Variants in SCAPER observed in about 807,000 individuals in gnomAD.
SCAPER encodes S phase cyclin A-associated protein in the endoplasmic reticulum.
SCAPER carries 98 observed loss-of-function variants against 182.2 expected under a neutral mutation model. That is an observed-to-expected ratio of 0.54 (90% CI 0.46 to 0.64). SCAPER has a LOEUF of 0.64. Ranked by LOEUF, SCAPER falls within the 30% of genes least tolerant of loss-of-function variation. SCAPER has a pLI of 0.00. For missense variants in SCAPER, 1,432 were observed against 1,690.0 expected (o/e 0.85, Z 2.68); for synonymous variants, 605 against 564.6 (o/e 1.07, Z -1.01).
chr15:76,361,816 C>T (rs952973101), intron 29 of SCAPER, among the ~76,000 whole-genome samples: 1 of 152,142 alleles, frequency 6.6e-6, no homozygotes, highest in African/African-American at 2.4e-5. Context: ...CTTTAAAAAT[C>T]TGCTTCCACA....
intron 24 of SCAPER, among the ~76,000 whole-genome samples, chr15:76,475,358 G>GCA (rs2050543886): frequency 6.7e-5 from 10 of 149,140 alleles, no homozygotes; most frequent in African/African-American, 2.5e-4. Flanking sequence ...GTGGAGTCTT[G>GCA]CTCTGTTGCC....
chr15:76,878,698 C>A (rs955349323), intron 2 of SCAPER, among the ~76,000 whole-genome samples: 1 of 151,924 alleles, frequency 6.6e-6, no homozygotes, highest in African/African-American at 2.4e-5. Flanking sequence ...GAGGCCAAGG[C>A]AGGAGGATTA....
At chr15:76,837,430 CCTT>C (rs2069056028) in intron 5 of SCAPER, among the ~76,000 whole-genome samples, 1 of 152,140 alleles carries the variant, frequency 6.6e-6, no homozygotes, top group Non-Finnish European at 1.5e-5. Flanking sequence ...GTAAACATGT[CCTT>C]CTTCCATGTG....
At chr15:76,676,185 T>C (rs1346715216) in intron 20 of SCAPER, among the ~76,000 whole-genome samples, 2 of 152,194 alleles carry the variant, frequency 1.3e-5, no homozygotes, top group Non-Finnish European at 2.9e-5. Context: ...CTGCTGTGAT[T>C]TGAACTCTGC....
At chr15:76,759,860 GC>G (rs2062671640) in intron 14 of SCAPER, among the ~76,000 whole-genome samples, 1 of 152,050 alleles carries the variant, frequency 6.6e-6, no homozygotes, top group African/African-American at 2.4e-5. Flanking sequence ...AATTTGGTTT[GC>G]CAGTATTTTA....
At chr15:76,687,159 A>G (rs1310165337) in intron 20 of SCAPER, among the ~76,000 whole-genome samples, 1 of 152,190 alleles carries the variant, frequency 6.6e-6, no homozygotes, top group Admixed American at 6.5e-5. Context: ...CAATAATAGC[A>G]TATTGGCATT....
intron 27 of SCAPER, among the ~76,000 whole-genome samples, chr15:76,402,142 AAAAC>A (rs376078898): frequency 2.4e-4 from 36 of 152,266 alleles, no homozygotes; most frequent in Admixed American, 2.6e-4. Context: ...AAAACAAAAC[AAAAC>A]AAACAAACAA....
At chr15:76,391,419 G>C (rs914716301) in intron 27 of SCAPER, among the ~76,000 whole-genome samples, 2 of 152,036 alleles carry the variant, frequency 1.3e-5, no homozygotes, top group Non-Finnish European at 1.5e-5. Flanking sequence ...TTCATCAATC[G>C]ATCCCCAGTA....
intron 21 of SCAPER, among the ~76,000 whole-genome samples, chr15:76,625,210 G>T (rs2052458132): frequency 1.3e-5 from 2 of 152,104 alleles, no homozygotes; most frequent in Non-Finnish European, 2.9e-5. Flanking sequence ...AGCTTTGGTA[G>T]GCCAGCATGG....
At chr15:76,444,702 A>T (rs555388948) in intron 25 of SCAPER, among the ~76,000 whole-genome samples, 3 of 152,106 alleles carry the variant, frequency 2.0e-5, no homozygotes, top group Non-Finnish European at 2.9e-5. Context: ...TACTTCCATG[A>T]ATCTGATGAC....
rs1164485871 is a variant in SCAPER at position 76,595,821 on chromosome 15, G to T, written c.2712-21537C>A. Among the ~76,000 whole-genome samples the T allele has an allele frequency of 1.6e-5, 2 of 122,228 alleles. 1 individual carries two copies. The highest frequency in any genetic ancestry group is 4.0e-5 in the Non-Finnish European group (2 of 50,326). The allele number at this position is 122,228 out of a possible 152,430, so 80.2% of individuals were successfully genotyped here. On this transcript the variant is annotated intron_variant, in intron 22 of 31. Transcript: ENST00000563290. ...TGGGACACTGCCAAAGCAGAGTTTAGAGGGAAATTTATAGCACTAAATGCC... is the reference window on the plus strand; with the variant it reads ...TGGGACACTGCCAAAGCAGAGTTTATAGGGAAATTTATAGCACTAAATGCC...
chr15:76,674,105 C>T (rs1271981527), intron 20 of SCAPER, among the ~76,000 whole-genome samples: 1 of 151,706 alleles, frequency 6.6e-6, no homozygotes, highest in Non-Finnish European at 1.5e-5. Flanking sequence ...TACTCAGTAG[C>T]CAAATAGTAG....
chr15:76,391,167 G>T (rs2043666472), intron 27 of SCAPER, among the ~76,000 whole-genome samples: 1 of 152,050 alleles, frequency 6.6e-6, no homozygotes, highest in Non-Finnish European at 1.5e-5. Context: ...TCAAGGTCTT[G>T]CCATTCTTCT....
intron 21 of SCAPER, among the ~76,000 whole-genome samples, chr15:76,640,397 T>C (rs1333440814): frequency 1.3e-5 from 2 of 152,104 alleles, no homozygotes; most frequent in South Asian, 2.1e-4. Flanking sequence ...TAAAACGCTA[T>C]TTACAAGGAA....
At chr15:76,577,463 A>G (rs772853591) in intron 22 of SCAPER, among the ~76,000 whole-genome samples, 17 of 152,098 alleles carry the variant, frequency 1.1e-4, no homozygotes, top group Non-Finnish European at 2.1e-4. Flanking sequence ...AAGAAGAAGA[A>G]GGAGAAAAAA....
At chr15:76,682,164 A>G (rs1456616895) in intron 20 of SCAPER, among the ~76,000 whole-genome samples, 2 of 152,084 alleles carry the variant, frequency 1.3e-5, no homozygotes, top group African/African-American at 4.8e-5. Context: ...GTACCAGCCT[A>G]CCGACAACCT....
At chr15:76,375,674 T>C (rs1337715251) in intron 29 of SCAPER, among the ~76,000 whole-genome samples, 1 of 152,188 alleles carries the variant, frequency 6.6e-6, no homozygotes, top group African/African-American at 2.4e-5. Context: ...AGGGCTAATC[T>C]AGTTCTTATC....
chr15:76,717,739 T>C (rs545167854), intron 17 of SCAPER, among the ~76,000 whole-genome samples: 1 of 152,116 alleles, frequency 6.6e-6, no homozygotes, highest in African/African-American at 2.4e-5. Flanking sequence ...AGTTCATCAA[T>C]GGGATGTAAC....
chr15:76,786,531 A>C (rs1392802007), intron 8 of SCAPER, among the ~76,000 whole-genome samples: 1 of 152,140 alleles, frequency 6.6e-6, no homozygotes, highest in East Asian at 1.9e-4. Context: ...CCTACAGCTA[A>C]CATAATACTT....
Sources: gnomAD v4.1 joint callset for allele counts (sites outside exome capture counted in the v4.1 genomes callset) on GRCh38, gnomAD v4.1.1 for gene constraint, MANE v1.5 for transcripts, NCBI Gene and HGNC (gene_info 2026-07-23, HGNC 2026-07-21) for gene names.